Variants in ADAMTSL3 observed in about 807,000 individuals in gnomAD.
ADAMTSL3 encodes ADAMTS-like protein 3.
Under a neutral mutation model 201.7 loss-of-function variants are expected in ADAMTSL3, and 128 were observed. That is an observed-to-expected ratio of 0.63 (90% confidence interval 0.55 to 0.73). The LOEUF (loss-of-function observed/expected upper bound fraction) is 0.73, where lower values mean the gene tolerates loss of function less well. Ranked by LOEUF, ADAMTSL3 falls within the 30% of genes least tolerant of loss-of-function variation. The probability of loss-of-function intolerance (pLI) is 0.00; values close to 1 mark genes in which losing one functional copy is unlikely to be tolerated. For missense variants in ADAMTSL3, 1,990 were observed against 2,119.6 expected (o/e 0.94, Z 1.20); for synonymous variants, 738 against 748.4 (o/e 0.99, Z 0.23).
intron 4 of ADAMTSL3, among the ~76,000 whole-genome samples, chr15:83,777,385 A>G (rs2063095192): frequency 6.6e-6 from 1 of 152,212 alleles, no homozygotes; most frequent in African/African-American, 2.4e-5. Flanking sequence ...CGGCAGTCCA[A>G]AAACATTTTG....
intron 7 of ADAMTSL3, among the ~76,000 whole-genome samples, chr15:83,843,183 G>T (rs1402839653): frequency 1.3e-5 from 2 of 151,880 alleles, no homozygotes; most frequent in African/African-American, 4.8e-5. Context: ...TTTTTTTGTG[G>T]GGTTCTCAGA....
At chr15:83,746,922 G>T (rs1407117197) in intron 3 of ADAMTSL3, among the ~76,000 whole-genome samples, 1 of 152,142 alleles carries the variant, frequency 6.6e-6, no homozygotes, top group African/African-American at 2.4e-5. Flanking sequence ...TTTTCAGTTT[G>T]TACTAATGTA....
chr15:83,966,321 A>G (rs1265517432), intron 19 of ADAMTSL3, among the ~76,000 whole-genome samples: 1 of 152,214 alleles, frequency 6.6e-6, no homozygotes, highest in Non-Finnish European at 1.5e-5. Flanking sequence ...GACACAATCA[A>G]ATAGACACAA....
intron 19 of ADAMTSL3, chr15:83,945,950 G>A (rs928264108): frequency 2.0e-5 from 3 of 152,238 alleles, no homozygotes; most frequent in South Asian, 2.1e-4. Flanking sequence ...AGGTAGGAAT[G>A]GCCCTGGGTA....
At chr15:83,748,011 C>T (rs2062575530) in intron 3 of ADAMTSL3, among the ~76,000 whole-genome samples, 1 of 151,988 alleles carries the variant, frequency 6.6e-6, no homozygotes, top group South Asian at 2.1e-4. Flanking sequence ...CCTTGTACAA[C>T]ATTCCTCATA....
chr15:83,730,070 TATGG>T (rs2062241311), intron 3 of ADAMTSL3, among the ~76,000 whole-genome samples: 1 of 152,058 alleles, frequency 6.6e-6, no homozygotes, highest in African/African-American at 2.4e-5. Context: ...ACCATACCTC[TATGG>T]ATCTCAGTTT....
chr15:83,843,672 C>T (rs2064431476), intron 7 of ADAMTSL3, among the ~76,000 whole-genome samples: 1 of 152,192 alleles, frequency 6.6e-6, no homozygotes, highest in African/African-American at 2.4e-5. Context: ...GCCAAGAATT[C>T]ATTCCAATCT....
chr15:83,752,849 A>G (rs1480500294), intron 3 of ADAMTSL3, among the ~76,000 whole-genome samples: 2 of 152,204 alleles, frequency 1.3e-5, no homozygotes, highest in Admixed American at 6.5e-5. Flanking sequence ...TGCCAAAATT[A>G]TAGAGACCGT....
intron 3 of ADAMTSL3, among the ~76,000 whole-genome samples, chr15:83,731,215 G>T (rs2062264148): frequency 6.6e-6 from 1 of 152,058 alleles, no homozygotes; most frequent in South Asian, 2.1e-4. Flanking sequence ...ATAGTAGGAA[G>T]TGTGATGCTT....
At chr15:83,771,591 C>A (rs2062985272) in intron 3 of ADAMTSL3, among the ~76,000 whole-genome samples, 1 of 152,196 alleles carries the variant, frequency 6.6e-6, no homozygotes, top group Non-Finnish European at 1.5e-5. Flanking sequence ...CCTCAAGATT[C>A]ATCCATATTG....
chr15:83,996,207 T>G (rs982012361), intron 23 of ADAMTSL3, among the ~76,000 whole-genome samples: 1 of 152,200 alleles, frequency 6.6e-6, no homozygotes, highest in Non-Finnish European at 1.5e-5. Flanking sequence ...GTAAAACATC[T>G]ATTGTATAGT....
chr15:83,924,020 C>T lies in ADAMTSL3; in HGVS notation c.2104C>T (p.Pro702Ser). 6.2e-7 allele frequency: 1 copy of T among 1,614,074 alleles called. No homozygotes were observed. Among genetic ancestry groups the T allele is most frequent in the Non-Finnish European group, 8.5e-7 (1 of 1,179,984 alleles). The change falls in exon 17 of 30, where the codon CCC (proline) becomes TCC (serine). Residue 702 changes from proline to serine, a missense_variant. Transcript: ENST00000286744. ...PAMSQACNTE[P>S]CPPRWHVGSW... ...CATGAGCCAGGCCTGTAACACAGAG[C>T]CCTGTCCCCCCAGGTATGTGCTGTC...
At chr15:83,664,961 CAGTT>C (rs773796124) in intron 2 of ADAMTSL3, among the ~76,000 whole-genome samples, 7 of 152,148 alleles carry the variant, frequency 4.6e-5, no homozygotes, top group South Asian at 2.1e-4. Context: ...GGATTTTACT[CAGTT>C]AGTAACATGG....
At chr15:83,951,031 T>A (rs1409515837) in intron 19 of ADAMTSL3, among the ~76,000 whole-genome samples, 1 of 150,944 alleles carries the variant, frequency 6.6e-6, no homozygotes, top group African/African-American at 2.4e-5. Flanking sequence ...CTGATTCCTC[T>A]AACTAGGACT....
rs151187920 is a variant in ADAMTSL3 at position 83,655,880 on chromosome 15, A to G, written c.69+50A>G. On this transcript the variant is annotated intron_variant, in intron 2 of 29. Coordinates refer to ENST00000286744, the MANE Select transcript of ADAMTSL3 (RefSeq NM_207517.3). ...GGAAATGGTGGACATCCCTCTGTTT[A>G]CTCAGAGGCATTATTGTATACCACC... is the stretch of plus-strand genomic sequence containing the variant. 2.4e-4 allele frequency: 379 copies of G among 1,561,254 alleles called. No individual in the cohort carries two copies. In the African/African-American group the frequency reaches 4.8e-3, roughly 20 times the overall value.
intron 11 of ADAMTSL3, chr15:83,891,079 C>G (rs1358658954): frequency 2.2e-5 from 9 of 405,678 alleles, no homozygotes; most frequent in African/African-American, 1.6e-4. Context: ...ATACTTTTCT[C>G]CTTTGATTAA....
chr15:83,795,815 A>G (rs966197896), intron 4 of ADAMTSL3, among the ~76,000 whole-genome samples: 5 of 152,268 alleles, frequency 3.3e-5, no homozygotes, highest in South Asian at 4.1e-4. Flanking sequence ...TATGGCAGCA[A>G]TGAAAGATTT....
At chr15:83,867,846 A>G (rs139604075) in intron 8 of ADAMTSL3, among the ~76,000 whole-genome samples, 1,551 of 152,290 alleles carry the variant, frequency 0.01, 22 homozygotes, top group African/African-American at 0.036. Flanking sequence ...AGATCCTTCA[A>G]CTAGAAGCAA....
At position 83,759,889 on chromosome 15, in the gene ADAMTSL3, T is replaced by G. The variant is rs146518445; in HGVS notation, c.190-13634T>G. ...AAGATGTTTTTCATCCTCTTACCAT[T>G]TTAGGGCCTACAGAATCTGCAGTGA... is the stretch of plus-strand genomic sequence containing the variant. On this transcript the variant is annotated intron_variant, in intron 3 of 29. Transcript: ENST00000286744. Among the ~76,000 whole-genome samples, 273 of 152,278 alleles carry G rather than the reference T, an allele frequency of 1.8e-3. 1 individual carries two copies. Among genetic ancestry groups the G allele is most frequent in the African/African-American group, 6.5e-3 (268 of 41,538 alleles).
Sources: allele counts gnomAD v4.1 joint callset (sites outside exome capture counted in the v4.1 genomes callset), GRCh38; gene constraint gnomAD v4.1.1; transcripts MANE v1.5; gene names NCBI Gene and HGNC (gene_info 2026-07-23, HGNC 2026-07-21).